The following SIM1 variants were observed in gnomAD, a reference collection of about 807,000 sequenced individuals.
SIM1 encodes the protein SIM bHLH transcription factor 1.
A neutral mutation model predicts 78.2 loss-of-function variants in SIM1; 18 were observed. The observed-to-expected ratio is 0.23, with a 90% CI of 0.16 to 0.34. The LOEUF (loss-of-function observed/expected upper bound fraction) is 0.34. Ranked by LOEUF, SIM1 falls within the 10% of genes least tolerant of loss-of-function variation. The pLI is 1.00. For synonymous variants in SIM1, 417 were observed against 385.2 expected, an observed-to-expected ratio of 1.08 and a Z score of -0.97; for missense variants, 939 against 975.1, an observed-to-expected ratio of 0.96 and a Z score of 0.49.
intron 10 of SIM1, among the ~76,000 whole-genome samples, chr6:100,406,670 GA>G (rs1482229392): frequency 6.6e-6 from 1 of 152,072 alleles, no homozygotes; most frequent in African/African-American, 2.4e-5. Context: ...ATATACATCA[GA>G]ACCTTTGCCT....
rs1770590358 is a variant in SIM1 at position 100,389,784 on chromosome 6, T to C, written c.*577A>G. 1 of 399,090 alleles carries C rather than the reference T, an allele frequency of 2.5e-6. No homozygotes were observed. Among genetic ancestry groups the C allele is most frequent in the Non-Finnish European group, 4.4e-6 (1 of 226,232 alleles). The allele number at this position is 399,090 out of a possible 1,614,324, so 24.7% of individuals were successfully genotyped here. ...TTTGCACCATATCCAGAACCATTTC[T>C]CTAATTTATGCCTGAACCAAATGAG... On this transcript the variant is annotated 3_prime_UTR_variant, in exon 12 of 12. Coordinates refer to ENST00000369208, the MANE Select transcript of SIM1 (RefSeq NM_005068.3).
At chr6:100,441,240 G>A (rs897122497) in intron 9 of SIM1, among the ~76,000 whole-genome samples, 13 of 152,296 alleles carry the variant, frequency 8.5e-5, no homozygotes, top group African/African-American at 3.1e-4. Flanking sequence ...TGGGGAGGGA[G>A]AAGTAGTTGG....
In SIM1 at chr6:100,448,234, CCCCGTCAGCTCCGCCA is replaced by C. The variant is rs1772413054; in HGVS notation, c.746_761del (p.Val249GlyfsTer7). On this transcript the variant is annotated frameshift_variant and splice_region_variant, in exon 8 of 12. Coordinates refer to ENST00000369208, the MANE Select transcript of SIM1 (RefSeq NM_005068.3). LOFTEE classifies it high-confidence loss of function. ...TCTCAATCAGGTCCTGAGGTTCGTA[CCCCGTCAGCTCCGCCA>C]CCCTGAGGAGAGCAATCCCTGCAGG... is the stretch of plus-strand genomic sequence containing the variant. The C allele has an allele frequency of 6.2e-7, 1 of 1,613,176 alleles. No homozygotes were observed.
In SIM1 at chr6:100,387,997, T is replaced by G. The variant is rs535370147; in HGVS notation, c.*2364A>C. 1 of 152,300 alleles carries G rather than the reference T, an allele frequency of 6.6e-6. No individual in the cohort carries two copies. Among genetic ancestry groups the G allele is most frequent in the South Asian group, 2.1e-4 (1 of 4,830 alleles). The allele number at this position is 152,300 out of a possible 1,614,324, so 9.4% of individuals were successfully genotyped here. A position where few individuals can be genotyped will look rare whatever the true frequency, so the allele number is the denominator to read the frequency against. ...TACACCATATTCATCAAATATTTTTTCTTCCAAACATCTATCAATCTACAG... is the reference window on the plus strand; with the variant it reads ...TACACCATATTCATCAAATATTTTTGCTTCCAAACATCTATCAATCTACAG... On this transcript the variant is annotated 3_prime_UTR_variant, in exon 12 of 12. Transcript: ENST00000369208.
At chr6:100,441,941 C>T (rs189219286) in intron 9 of SIM1, among the ~76,000 whole-genome samples, 2 of 152,312 alleles carry the variant, frequency 1.3e-5, no homozygotes, top group East Asian at 3.9e-4. Context: ...CCCACAACCA[C>T]CTTCCACTTC....
Position 100,390,345 on chromosome 6 carries a change from A to C in SIM1, c.*16T>G. The C allele has an allele frequency of 6.2e-7, 1 of 1,603,452 alleles. No homozygotes were observed. Among genetic ancestry groups the C allele is most frequent in the Non-Finnish European group, 8.5e-7 (1 of 1,174,982 alleles). ...GTTTCAGAGATCCTTAAAGAACAAA[A>C]TATTTCAGCAAAACATCAGCTTCCG... On this transcript the variant is annotated 3_prime_UTR_variant, in exon 12 of 12. Transcript: ENST00000369208.
At chr6:100,426,980 G>A (rs909369227) in intron 9 of SIM1, 4 of 152,210 alleles carry the variant, frequency 2.6e-5, no homozygotes, top group Admixed American at 2.6e-4. Context: ...CTCCAAAGGC[G>A]CTGATTGAAA....
rs1205818287 is a variant in SIM1 at position 100,420,890 on chromosome 6, T to C, written c.1067A>G (p.Tyr356Cys). The change falls in exon 10 of 12, where the codon TAT (tyrosine) becomes TGT (cysteine). Residue 356 changes from tyrosine (Y) to cysteine (C), a missense_variant. Tyr to Cys is a radical substitution (Grantham distance 194). Transcript: ENST00000369208. The part of the protein sequence containing the change: ...QISASKPAFS[Y>C]TSSSTPTMTD... ...CATGGTGGGGGTGGAGCTGCTGGTA[T>C]AGGAGAAGGCTGGTTTGGAGGCTGA... The C allele has an allele frequency of 3.1e-6, 5 of 1,613,860 alleles. No individual in the cohort carries two copies. The highest frequency in any genetic ancestry group is 4.2e-6 in the Non-Finnish European group (5 of 1,179,978).
chr6:100,431,390 A>C (rs1771895123), intron 9 of SIM1, among the ~76,000 whole-genome samples: 1 of 152,214 alleles, frequency 6.6e-6, no homozygotes, highest in Non-Finnish European at 1.5e-5. Flanking sequence ...TACTACTGTA[A>C]TGCTTGGCTA....
chr6:100,430,644 C>T (rs1159728241), intron 9 of SIM1, among the ~76,000 whole-genome samples: 2 of 152,006 alleles, frequency 1.3e-5, no homozygotes, highest in East Asian at 1.9e-4. Flanking sequence ...CCTCACCAGA[C>T]CCTTCACTGT....
intron 10 of SIM1, among the ~76,000 whole-genome samples, chr6:100,414,020 G>A (rs372322511): frequency 2.6e-5 from 4 of 152,210 alleles, no homozygotes; most frequent in African/African-American, 9.6e-5. Context: ...AGGCACTCTG[G>A]TTCCTCCTGA....
rs1191756650 is a variant in SIM1 at position 100,385,386 on chromosome 6, T to C, written c.*4975A>G. 1 of 151,964 alleles carries C rather than the reference T, an allele frequency of 6.6e-6. No homozygotes were observed. Among genetic ancestry groups the C allele is most frequent in the Non-Finnish European group, 1.5e-5 (1 of 67,934 alleles). The allele number at this position is 151,964 out of a possible 1,614,324, so 9.4% of individuals were successfully genotyped here. A position where few individuals can be genotyped will look rare whatever the true frequency, so the allele number is the denominator to read the frequency against. On this transcript the variant is annotated 3_prime_UTR_variant, in exon 12 of 12. Transcript: ENST00000369208. The stretch of plus-strand genomic sequence containing the variant: ...ATAATGTTTCCTTTTTTGAAATATT[T>C]CCCTTCGGAAAAAAAAAGAAAAAAG...
At chr6:100,453,936 G>A (rs1477401184) in intron 2 of SIM1, 92 bp from the exon 3 acceptor site, 4 of 899,672 alleles carry the variant, frequency 4.4e-6, no homozygotes, top group Admixed American at 5.1e-5. Context: ...CCCGAGTGCC[G>A]GCCCCTTTGA....
intron 9 of SIM1, among the ~76,000 whole-genome samples, chr6:100,426,839 T>C (rs1021457689): frequency 6.6e-6 from 1 of 152,234 alleles, no homozygotes; most frequent in African/African-American, 2.4e-5. Context: ...TGGAGTTCTT[T>C]GTTGGCTTTA....
chr6:100,418,359 A>AAAAT (rs6149720), intron 10 of SIM1, among the ~76,000 whole-genome samples: 34,499 of 145,338 alleles, frequency 0.24, 4,949 homozygotes, highest in East Asian at 0.57. Flanking sequence ...CCTGTCTCCA[A>AAAAT]AAATAAATAA....
intron 10 of SIM1, among the ~76,000 whole-genome samples, chr6:100,411,247 C>T (rs1328592425): frequency 6.6e-6 from 1 of 152,164 alleles, no homozygotes; most frequent in Non-Finnish European, 1.5e-5. Flanking sequence ...ATTATCAAAA[C>T]ACACATACAA....
chr6:100,453,706 G>C, intron 3 of SIM1, 56 bp downstream of exon 3: 2 of 1,285,368 alleles, frequency 1.6e-6, no homozygotes, highest in Non-Finnish European at 2.2e-6. Context: ...CTCAACTCAG[G>C]GCCAGGCACT....
intron 2 of SIM1, among the ~76,000 whole-genome samples, chr6:100,458,712 C>T (rs894011882): frequency 3.9e-5 from 6 of 152,168 alleles, no homozygotes; most frequent in East Asian, 1.9e-4. Flanking sequence ...GTGCGGGAGG[C>T]GCGACGGGGA....
chr6:100,428,180 A>G (rs753915428), intron 9 of SIM1, among the ~76,000 whole-genome samples: 4 of 152,210 alleles, frequency 2.6e-5, no homozygotes, highest in Non-Finnish European at 4.4e-5. Context: ...GCACATTAAT[A>G]AAAGGTACTT....
Sources: gnomAD v4.1 joint callset for allele counts (sites outside exome capture counted in the v4.1 genomes callset) on GRCh38, gnomAD v4.1.1 for gene constraint, MANE v1.5 for transcripts, NCBI Gene and HGNC (gene_info 2026-07-23, HGNC 2026-07-21) for gene names.